DYSF: variants seen among roughly 807,000 people sequenced by gnomAD.
The protein encoded by DYSF is dystrophy-associated fer-1-like 1.
A neutral mutation model predicts 274.9 loss-of-function variants in DYSF; 212 were observed. The observed-to-expected ratio is 0.77, with a 90% CI of 0.69 to 0.86. DYSF has a LOEUF of 0.86. Among genes scored for constraint, DYSF ranks in the 40% least tolerant of loss-of-function variants. The probability of loss-of-function intolerance (pLI) is 0.00; values close to 1 mark genes in which losing one functional copy is unlikely to be tolerated. For missense variants in DYSF, 2,666 were observed against 2,783.2 expected (o/e 0.96, Z 0.95); for synonymous variants, 1,091 against 1,078.7 (o/e 1.01, Z -0.22).
At chr2:71,582,903 C>T (rs1004648921) in intron 30 of DYSF, among the ~76,000 whole-genome samples, 2 of 151,658 alleles carry the variant, frequency 1.3e-5, no homozygotes, top group Non-Finnish European at 2.9e-5. Flanking sequence ...ATGGGCCAGG[C>T]GTGGTGGCTC....
rs1303028206 is a variant in DYSF at position 71,470,749 on chromosome 2, C to T, written c.91+3816C>T. ...CCTTCCTTCCTTCTTTCCTTCCTTC[C>T]TTCCTTCCTTCCTTCCTTCCTTCCT... is the stretch of plus-strand genomic sequence containing the variant. On this transcript the variant is annotated intron_variant, in intron 1 of 55. Transcript: ENST00000410020. Among the ~76,000 whole-genome samples the T allele has an allele frequency of 5.7e-3, 794 of 139,512 alleles. 4 individuals are homozygous for T. The highest frequency in any genetic ancestry group is 0.012 in the African/African-American group (443 of 35,632). 91.5% of individuals were successfully genotyped at this position (139,512 alleles called of 152,430 possible).
chr2:71,662,488 TTGTGTGTATG>T (rs200704789), intron 45 of DYSF, among the ~76,000 whole-genome samples: 3,315 of 149,222 alleles, frequency 0.022, 68 homozygotes, highest in African/African-American at 0.053. Context: ...GTGTATGTAT[TTGTGTGTATG>T]TGTGTGTATA....
In DYSF at chr2:71,455,993, A is replaced by G. The variant is rs75397951; in HGVS notation, c.88+1907A>G. Among the ~76,000 whole-genome samples, 540 of 152,304 alleles carry G rather than the reference A, an allele frequency of 3.5e-3. 8 individuals carry two copies. The highest frequency in any genetic ancestry group is 0.027 in the Admixed American group (414 of 15,298). ...ATGGCAGGCACTTTCTAACCCCAGAAGTGCAGGAAGTGCTGCTGGTGTGGC... is the reference window on the plus strand; with the variant it reads ...ATGGCAGGCACTTTCTAACCCCAGAGGTGCAGGAAGTGCTGCTGGTGTGGC... On this transcript the variant is annotated intron_variant, in intron 1 of 54. Transcript: ENST00000258104.
chr2:71,541,193 T>C (rs1439357195), intron 17 of DYSF, among the ~76,000 whole-genome samples: 1 of 152,208 alleles, frequency 6.6e-6, no homozygotes, highest in Non-Finnish European at 1.5e-5. Flanking sequence ...GAACAGTTTC[T>C]ATAACACAAG....
rs1131692158 is a variant in DYSF at position 71,669,207 on chromosome 2, G to C, written c.5642G>C (p.Gly1881Ala). The change falls in exon 50 of 56, where the codon GGT (glycine) becomes GCT (alanine). Residue 1881 changes from glycine (G) to alanine (A), a missense_variant and splice_region_variant. Physicochemically the swap from Gly to Ala is moderately conservative, Grantham distance 60 (BLOSUM62 0). Transcript: ENST00000410020. ...GEKMSDIYVKGWMIGFEEHKQ... is the reference protein window; with the variant it reads ...GEKMSDIYVKAWMIGFEEHKQ... ...AAGATGAGCGACATTTATGTGAAAG[G>C]GTAGGGAGCCAGCGTCCTCTTGCCT... The C allele has an allele frequency of 1.2e-6, 2 of 1,603,444 alleles. No individual in the cohort carries two copies. Among genetic ancestry groups the C allele is most frequent in the Middle Eastern group, 1.7e-4 (1 of 6,048 alleles).
rs55951529 is a variant in DYSF, at chr2:71,551,521, A to G, written c.1693-86A>G. On this transcript the variant is annotated intron_variant, in intron 18 of 55. Coordinates refer to ENST00000410020, the MANE Select transcript of DYSF (RefSeq NM_001130987.2). The stretch of plus-strand genomic sequence containing the variant: ...GGACCTCCTGGGTGCCTGAGAGATG[A>G]GCTACCTCAGGGCCAGAGGGTGCCC... The G allele has an allele frequency of 1.2e-4, 137 of 1,170,682 alleles. 1 individual carries two copies. The African/African-American group carries it at 1.8e-3, about 16-fold the overall frequency. The allele number at this position is 1,170,682 out of a possible 1,614,324, so 72.5% of individuals were successfully genotyped here.
At chr2:71,481,003 A>G in intron 2 of DYSF, 65 bp downstream of exon 2, 2 of 1,526,248 alleles carry the variant, frequency 1.3e-6, no homozygotes, top group Non-Finnish European at 9.1e-7. Flanking sequence ...GGGACAAGTT[A>G]GGGGGCTTGT....
chr2:71,642,478 G>A (rs2094502517), intron 41 of DYSF, among the ~76,000 whole-genome samples: 1 of 152,202 alleles, frequency 6.6e-6, no homozygotes, highest in Non-Finnish European at 1.5e-5. Context: ...AAACATCAAG[G>A]CTTGGGTCTG....
At chr2:71,561,538 C>T (rs975976369) in intron 22 of DYSF, among the ~76,000 whole-genome samples, 1 of 152,078 alleles carries the variant, frequency 6.6e-6, no homozygotes, top group South Asian at 2.1e-4. Context: ...TCAGGAGGCG[C>T]GTAGGCTGAC....
intron 1 of DYSF, among the ~76,000 whole-genome samples, chr2:71,470,808 T>G (rs11678575): frequency 0.28 from 39,351 of 139,832 alleles, 5,925 homozygotes; most frequent in East Asian, 0.45. Context: ...TTTTTTTTTT[T>G]GAAATGGACT....
chr2:71,651,769 A>T (rs1457304699), intron 42 of DYSF, among the ~76,000 whole-genome samples: 1 of 152,180 alleles, frequency 6.6e-6, no homozygotes, highest in African/African-American at 2.4e-5. Context: ...AATAATAGCA[A>T]ATGAAACCTA....
At chr2:71,483,499 G>T (rs1037343862) in intron 3 of DYSF, among the ~76,000 whole-genome samples, 3 of 152,146 alleles carry the variant, frequency 2.0e-5, no homozygotes, top group Admixed American at 6.5e-5. Flanking sequence ...GGATGTGGCG[G>T]GCAGCCAGGC....
intron 1 of DYSF, among the ~76,000 whole-genome samples, chr2:71,461,673 G>T (rs1387839886): frequency 1.3e-5 from 2 of 152,210 alleles, no homozygotes; most frequent in African/African-American, 4.8e-5. Flanking sequence ...ATGTGATGAG[G>T]CGACTGACCA....
chr2:71,579,128 C>T (rs991524708), intron 30 of DYSF, among the ~76,000 whole-genome samples: 2 of 152,168 alleles, frequency 1.3e-5, no homozygotes, highest in African/African-American at 2.4e-5. Context: ...CCACCACCGC[C>T]GCCTCCCACC....
intron 41 of DYSF, among the ~76,000 whole-genome samples, chr2:71,631,838 C>T (rs538179964): frequency 2.0e-5 from 3 of 152,116 alleles, no homozygotes; most frequent in African/African-American, 7.2e-5. Flanking sequence ...TGCACCCCTC[C>T]TCCCTCGCTG....
Position 71,679,040 on chromosome 2 carries a change from C to G in DYSF, c.5885-17C>G, listed in dbSNP as rs758886503. ...TGATCGAGAAACCCTTGGCCAAAAA[C>G]TACCTCTCTGTTGCAGGCTCCCTGC... On this transcript the variant is annotated splice_polypyrimidine_tract_variant and intron_variant, in intron 52 of 55. Transcript: ENST00000410020. 22 of 1,613,740 alleles carry G rather than the reference C, an allele frequency of 1.4e-5. No individual in the cohort carries two copies. The Middle Eastern group carries it at 6.7e-4, about 49-fold the overall frequency.
chr2:71,521,455 G>A (rs1309845618), intron 12 of DYSF, among the ~76,000 whole-genome samples: 1 of 152,210 alleles, frequency 6.6e-6, no homozygotes, highest in African/African-American at 2.4e-5. Flanking sequence ...CCCACTCTGG[G>A]TTGGACGCTT....
intron 36 of DYSF, among the ~76,000 whole-genome samples, chr2:71,609,749 C>T (rs973582146): frequency 6.6e-6 from 1 of 152,158 alleles, no homozygotes. Flanking sequence ...ATCAGGGTGT[C>T]GCTGCACAGG....
Position 71,551,173 on chromosome 2 carries a change from C to T in DYSF, c.1692+17C>T. On this transcript the variant is annotated intron_variant, in intron 18 of 55. Transcript: ENST00000410020. ...ACAGGCAAGGTAAGCCGGCTGGAGC[C>T]CTGGCAAGGGCAGGATGCCAGATGC... is the stretch of plus-strand genomic sequence containing the variant. 2 of 1,612,980 alleles carry T rather than the reference C, an allele frequency of 1.2e-6. No individual in the cohort carries two copies. The highest frequency in any genetic ancestry group is 1.7e-5 in the Admixed American group (1 of 60,026).
Sources: gnomAD v4.1 joint callset for allele counts (sites outside exome capture counted in the v4.1 genomes callset) on GRCh38, gnomAD v4.1.1 for gene constraint, MANE v1.5 for transcripts, NCBI Gene and HGNC (gene_info 2026-07-23, HGNC 2026-07-21) for gene names.